Variants in GALNT11 observed in about 807,000 individuals in gnomAD.
GALNT11 encodes polypeptide N-acetylgalactosaminyltransferase 11, also known as UDP-GalNAc:polypeptide N-acetylgalactosaminyltransferase 11.
GALNT11 carries 47 observed loss-of-function variants against 72.7 expected under a neutral mutation model. That is an observed-to-expected ratio of 0.65 (90% CI 0.51 to 0.82). The LOEUF (loss-of-function observed/expected upper bound fraction) is 0.82, where lower values mean the gene tolerates loss of function less well. GALNT11 is among the 40% of genes least tolerant of loss of function. GALNT11 has a pLI of 0.00. For missense variants in GALNT11, 677 were observed against 778.4 expected, an observed-to-expected ratio of 0.87 and a Z score of 1.55; for synonymous variants, 270 against 286.6, an observed-to-expected ratio of 0.94 and a Z score of 0.58.
chr7:152,065,519 C>G (rs566011153), intron 1 of GALNT11, among the ~76,000 whole-genome samples: 1 of 152,320 alleles, frequency 6.6e-6, no homozygotes, highest in South Asian at 2.1e-4. Flanking sequence ...GAGAGGCACT[C>G]TGATTTTTAG....
At chr7:152,118,425 G>T in intron 9 of GALNT11, 2 of 415,564 alleles carry the variant, frequency 4.8e-6, no homozygotes, top group Non-Finnish European at 8.6e-6. Context: ...ACATGTATAT[G>T]TAGCTAGAAT....
intron 1 of GALNT11, among the ~76,000 whole-genome samples, chr7:152,084,380 T>A (rs1385769764): frequency 9.5e-6 from 1 of 105,338 alleles, no homozygotes; most frequent in Non-Finnish European, 1.9e-5. Context: ...CCTGTCTCTT[T>A]AAAAAAAAAA....
intron 1 of GALNT11, among the ~76,000 whole-genome samples, chr7:152,028,310 G>C (rs1457055226): frequency 3.9e-5 from 6 of 152,148 alleles, no homozygotes; most frequent in East Asian, 3.9e-4. Flanking sequence ...GTGCTGATTG[G>C]TCTGTTTTAC....
At chr7:152,082,054 C>A (rs1480416191) in intron 1 of GALNT11, among the ~76,000 whole-genome samples, 1 of 152,052 alleles carries the variant, frequency 6.6e-6, no homozygotes, top group Non-Finnish European at 1.5e-5. Context: ...AGTGAATAGG[C>A]CTATGCATAT....
chr7:152,106,875 G>A (rs943842195), intron 5 of GALNT11, among the ~76,000 whole-genome samples: 1 of 152,106 alleles, frequency 6.6e-6, no homozygotes, highest in African/African-American at 2.4e-5. Context: ...ATTAAGAAAA[G>A]CTCTGAATCC....
intron 1 of GALNT11, among the ~76,000 whole-genome samples, chr7:152,044,924 T>C (rs1016972321): frequency 6.6e-6 from 1 of 152,098 alleles, no homozygotes; most frequent in Non-Finnish European, 1.5e-5. Context: ...TGTGGGTTTA[T>C]TGTATATGGC....
At chr7:152,091,255 G>T (rs868108932) in intron 1 of GALNT11, among the ~76,000 whole-genome samples, 12 of 149,782 alleles carry the variant, frequency 8.0e-5, no homozygotes, top group Admixed American at 2.7e-4. Context: ...TTATTTTTGT[G>T]TGTGAGTCGG....
At chr7:152,083,766 G>A (rs1280587798) in intron 1 of GALNT11, among the ~76,000 whole-genome samples, 1 of 152,152 alleles carries the variant, frequency 6.6e-6, no homozygotes, top group Non-Finnish European at 1.5e-5. Context: ...GCACTTACAA[G>A]TTAACTTAGG....
intron 1 of GALNT11, among the ~76,000 whole-genome samples, chr7:152,033,198 C>T (rs1300610218): frequency 4.6e-5 from 7 of 152,158 alleles, no homozygotes; most frequent in African/African-American, 7.2e-5. Flanking sequence ...GTGATTGCCT[C>T]GGCATAGCGG....
chr7:152,094,490 A>G lies in GALNT11; in HGVS notation c.263A>G (p.Glu88Gly), dbSNP rs893691975. 1 of 1,612,170 alleles carries G rather than the reference A, an allele frequency of 6.2e-7. No homozygotes were observed. The highest frequency in any genetic ancestry group is 1.3e-5 in the African/African-American group (1 of 74,976). ...ATAGACAGTCGTGTTGAAGATCCAG[A>G]AGAAGGCCACTTGAAATTCTCTTCT... ...DVIDSRVEDP[E>G]EGHLKFSSEL... is the part of the protein sequence containing the mutation. Residue 88 changes from glutamate (E) to glycine (G), a missense_variant, in exon 2 of 12, where the codon GAA (glutamate) becomes GGA (glycine). Physicochemically the swap from Glu to Gly is moderately conservative, Grantham distance 98. Coordinates refer to ENST00000430044, the MANE Select transcript of GALNT11 (RefSeq NM_022087.4). This position sits in a 1 kb window ranked among gnomAD's most constrained non-coding sequence, Gnocchi z 4.3.
Position 152,118,709 on chromosome 7 carries a change from T to C in GALNT11, c.1484T>C (p.Val495Ala). The change falls in exon 10 of 12, where the codon GTG becomes GCG. Residue 495 changes from valine (V) to alanine (A), a missense_variant. Val to Ala is a moderately conservative substitution (Grantham distance 64). Transcript: ENST00000430044. ...CACCTCCAGACCAACAAATGCCTGG[T>C]GGCCCAGGGCCGCCCAAGTCAGAAG... ...LYHLQTNKCL[V>A]AQGRPSQKGG... is the part of the protein sequence containing the mutation. 1 of 1,610,626 alleles carries C rather than the reference T, an allele frequency of 6.2e-7. No homozygotes were observed. Among genetic ancestry groups the C allele is most frequent in the East Asian group, 2.2e-5 (1 of 44,578 alleles).
At chr7:152,090,308 T>C (rs769926162) in intron 1 of GALNT11, among the ~76,000 whole-genome samples, 88 of 152,246 alleles carry the variant, frequency 5.8e-4, no homozygotes, top group Admixed American at 9.2e-4. Context: ...TTCTGTTGTT[T>C]TATTTTCATT....
intron 8 of GALNT11, among the ~76,000 whole-genome samples, chr7:152,114,024 G>A (rs533346968): frequency 6.7e-4 from 101 of 151,468 alleles, no homozygotes; most frequent in Admixed American, 2.4e-3. Flanking sequence ...TTGGCCTCCC[G>A]AAGTGCTGGG....
intron 1 of GALNT11, among the ~76,000 whole-genome samples, chr7:152,063,868 T>G (rs1285829666): frequency 1.3e-5 from 2 of 152,214 alleles, no homozygotes; most frequent in Non-Finnish European, 2.9e-5. Context: ...TGCTGAGGAG[T>G]ACTTTACTTC....
intron 1 of GALNT11, among the ~76,000 whole-genome samples, chr7:152,093,250 A>AT (rs985608618): frequency 2.6e-5 from 4 of 151,520 alleles, no homozygotes; most frequent in African/African-American, 9.7e-5. Context: ...AAAAAAAAAA[A>AT]GCTTAGGAAA....
intron 1 of GALNT11, among the ~76,000 whole-genome samples, chr7:152,066,220 C>T (rs980350116): frequency 9.2e-5 from 14 of 152,190 alleles, no homozygotes; most frequent in African/African-American, 7.2e-5. Flanking sequence ...GCTCCGTGGG[C>T]GTGGGACCCT....
intron 1 of GALNT11, among the ~76,000 whole-genome samples, chr7:152,047,709 T>TGC (rs1554418398): frequency 9.3e-4 from 141 of 151,298 alleles, no homozygotes; most frequent in Non-Finnish European, 1.5e-3. Flanking sequence ...TGTGTGTGTG[T>TGC]GCGCACACAC....
At chr7:152,088,521 T>G (rs1183988774) in intron 1 of GALNT11, among the ~76,000 whole-genome samples, 1 of 151,914 alleles carries the variant, frequency 6.6e-6, no homozygotes, top group Non-Finnish European at 1.5e-5. Context: ...TCAGGGTTTT[T>G]TTTTTTTTTA....
intron 1 of GALNT11, among the ~76,000 whole-genome samples, chr7:152,055,994 A>T (rs1056497505): frequency 6.6e-6 from 1 of 151,704 alleles, no homozygotes; most frequent in African/African-American, 2.4e-5. Context: ...ACAACCCCCC[A>T]AATCCCTGTT....
Sources: allele counts gnomAD v4.1 joint callset (sites outside exome capture counted in the v4.1 genomes callset), GRCh38; gene constraint gnomAD v4.1.1; non-coding constraint Gnocchi (gnomAD v3.1); transcripts MANE v1.5; gene names NCBI Gene and HGNC (gene_info 2026-07-23, HGNC 2026-07-21).